Variants in PTPRD observed in about 807,000 individuals in gnomAD.
PTPRD encodes receptor-type tyrosine-protein phosphatase delta.
A neutral mutation model predicts 214.5 loss-of-function variants in PTPRD; 34 were observed. The ratio of observed to expected loss-of-function variants is 0.16; its 90% confidence interval spans 0.12 to 0.21. The LOEUF (loss-of-function observed/expected upper bound fraction) is 0.21, where lower values mean the gene tolerates loss of function less well. PTPRD is among the 10% of genes least tolerant of loss of function. The pLI is 1.00. For missense variants in PTPRD, 2,545 were observed against 2,398.7 expected (o/e 1.06, Z -1.27); for synonymous variants, 1,128 against 845.7 (o/e 1.33, Z -5.79).
chr9:9,302,511 A>G (rs1285913046), intron 9 of PTPRD, among the ~76,000 whole-genome samples: 2 of 149,974 alleles, frequency 1.3e-5, no homozygotes, highest in Admixed American at 6.7e-5. Context: ...ATTCCTGCTT[A>G]TATTTCCATG....
rs1221781204 is a variant in PTPRD, at chr9:9,569,420, G to C, written c.-237+5312C>G. ...AACAGTGGCAGTTTATTAATAATCT[G>C]TCATGTAAAGCTGACATATTAGAAG... On this transcript the variant is annotated intron_variant, in intron 8 of 45. Transcript: ENST00000381196. 2.0e-5 allele frequency among the ~76,000 whole-genome samples: 3 copies of C among 151,728 alleles called. No homozygotes were observed. The East Asian group carries it at 5.8e-4, about 29-fold the overall frequency.
At chr9:10,097,363 C>G (rs1267681512) in intron 3 of PTPRD, among the ~76,000 whole-genome samples, 1 of 134,782 alleles carries the variant, frequency 7.4e-6, no homozygotes, top group South Asian at 2.3e-4. Context: ...ATTCTTCCTA[C>G]CCATGAGCAT....
chr9:8,757,736 C>G (rs1224039829), intron 11 of PTPRD, among the ~76,000 whole-genome samples: 1 of 150,282 alleles, frequency 6.7e-6, no homozygotes, highest in African/African-American at 2.5e-5. Context: ...ATACTGATAG[C>G]AATGAGCTGT....
chr9:9,241,001 T>TAA (rs2099970111), intron 9 of PTPRD, among the ~76,000 whole-genome samples: 1 of 152,166 alleles, frequency 6.6e-6, no homozygotes, highest in Non-Finnish European at 1.5e-5. Flanking sequence ...AGGTTTCTGA[T>TAA]AACTTTAAGA....
intron 5 of PTPRD, among the ~76,000 whole-genome samples, chr9:9,833,773 C>G (rs2055818783): frequency 6.6e-6 from 1 of 151,866 alleles, no homozygotes; most frequent in Non-Finnish European, 1.5e-5. Flanking sequence ...AATATTTCTC[C>G]CATTTGCTTT....
At chr9:10,548,715 T>C (rs1277668934) in intron 2 of PTPRD, among the ~76,000 whole-genome samples, 1 of 137,730 alleles carries the variant, frequency 7.3e-6, no homozygotes, top group African/African-American at 2.7e-5. Flanking sequence ...AAACCAGGCA[T>C]CCTTTGCCAC....
intron 7 of PTPRD, among the ~76,000 whole-genome samples, chr9:9,586,370 T>C (rs1781807474): frequency 6.6e-6 from 1 of 151,996 alleles, no homozygotes; most frequent in African/African-American, 2.4e-5. Flanking sequence ...TCTAGTATAA[T>C]TGGCATAATG....
At chr9:9,184,274 A>G (rs560029202) in intron 9 of PTPRD, among the ~76,000 whole-genome samples, 4 of 152,172 alleles carry the variant, frequency 2.6e-5, no homozygotes, top group East Asian at 1.9e-4. Context: ...CTGTTCACCA[A>G]AACATTTCCC....
At chr9:9,027,305 T>C (rs990659038) in intron 10 of PTPRD, among the ~76,000 whole-genome samples, 7 of 151,870 alleles carry the variant, frequency 4.6e-5, no homozygotes, top group Admixed American at 3.3e-4. Context: ...AGATATACAA[T>C]GTATATATCT....
intron 14 of PTPRD, among the ~76,000 whole-genome samples, chr9:8,565,081 A>C (rs1330424025): frequency 6.6e-6 from 1 of 152,152 alleles, no homozygotes; most frequent in East Asian, 1.9e-4. Flanking sequence ...GTAAAAACTC[A>C]ATGACGGGGA....
At chr9:9,566,049 A>T (rs570334768) in intron 8 of PTPRD, among the ~76,000 whole-genome samples, 29 of 152,046 alleles carry the variant, frequency 1.9e-4, no homozygotes, top group African/African-American at 7.0e-4. Context: ...GACAACTTGA[A>T]TTCTATGCTG....
intron 3 of PTPRD, among the ~76,000 whole-genome samples, chr9:10,338,382 A>C (rs1313013011): frequency 6.6e-6 from 1 of 151,772 alleles, no homozygotes; most frequent in Non-Finnish European, 1.5e-5. Flanking sequence ...CTTTCAACTG[A>C]TAGTCCTTCC....
intron 14 of PTPRD, among the ~76,000 whole-genome samples, chr9:8,626,571 G>C (rs925063694): frequency 6.6e-6 from 1 of 151,876 alleles, no homozygotes; most frequent in East Asian, 1.9e-4. Context: ...TTTTGGATGC[G>C]ATTAACATTT....
intron 6 of PTPRD, among the ~76,000 whole-genome samples, chr9:9,761,926 G>C (rs139097581): frequency 5.2e-3 from 791 of 152,078 alleles, no homozygotes; most frequent in Middle Eastern, 0.017. Flanking sequence ...CATTGCTTTG[G>C]GATATTGGTC....
chr9:9,510,279 G>A (rs1260244876), intron 8 of PTPRD, among the ~76,000 whole-genome samples: 1 of 151,176 alleles, frequency 6.6e-6, no homozygotes, highest in African/African-American at 2.4e-5. Context: ...ACTTAGAATA[G>A]TATCTCTTTT....
At chr9:9,986,498 G>T (rs2095714167) in intron 4 of PTPRD, among the ~76,000 whole-genome samples, 1 of 152,122 alleles carries the variant, frequency 6.6e-6, no homozygotes, top group Non-Finnish European at 1.5e-5. Flanking sequence ...TAAAATGTAT[G>T]CATGTGTAAA....
At chr9:10,395,302 C>G (rs1336934414) in intron 2 of PTPRD, among the ~76,000 whole-genome samples, 1 of 149,302 alleles carries the variant, frequency 6.7e-6, no homozygotes, top group Admixed American at 6.8e-5. Flanking sequence ...CTTCCTGTGT[C>G]CAAGTGTTCT....
At chr9:10,194,333 TATATATATATATAGAGAGAGAGAG>T (rs1422239941) in intron 3 of PTPRD, among the ~76,000 whole-genome samples, 120 of 63,314 alleles carry the variant, frequency 1.9e-3, no homozygotes, top group South Asian at 9.3e-3. Flanking sequence ...TATATATATA[TATATATATATATAGAGAGAGAGAG>T]AGAGAGAGAG....
At chr9:8,575,104 T>C (rs578125887) in intron 14 of PTPRD, among the ~76,000 whole-genome samples, 33 of 152,238 alleles carry the variant, frequency 2.2e-4, no homozygotes, top group African/African-American at 7.2e-4. Flanking sequence ...GCTGTTCAAG[T>C]AGTTCAGGCT....
Sources: gnomAD v4.1 joint callset for allele counts (sites outside exome capture counted in the v4.1 genomes callset) on GRCh38, gnomAD v4.1.1 for gene constraint, MANE v1.5 for transcripts, NCBI Gene and HGNC (gene_info 2026-07-23, HGNC 2026-07-21) for gene names.